The following CEP83 variants were observed in gnomAD, a reference collection of about 807,000 sequenced individuals.
CEP83 encodes centrosomal protein 83.
In CEP83, 70 loss-of-function variants were observed where a neutral mutation model predicts 101.9. That is an observed-to-expected ratio of 0.69 (90% CI 0.57 to 0.84). CEP83 has a LOEUF of 0.84. CEP83 is among the 40% of genes least tolerant of loss of function. The pLI is 0.00. For synonymous variants in CEP83, 264 were observed against 267.9 expected, an observed-to-expected ratio of 0.99 and a Z score of 0.14; for missense variants, 715 against 787.2, an observed-to-expected ratio of 0.91 and a Z score of 1.10.
chr12:94,318,330 TA>T (rs1437555462), intron 14 of CEP83, among the ~76,000 whole-genome samples: 1 of 152,182 alleles, frequency 6.6e-6, no homozygotes, highest in African/African-American at 2.4e-5. Flanking sequence ...GGGGGTTTCC[TA>T]AACATAAAAC....
At chr12:94,431,660 C>A (rs117052221) in intron 2 of CEP83, among the ~76,000 whole-genome samples, 2,935 of 149,522 alleles carry the variant, frequency 0.02, 40 homozygotes, top group Middle Eastern at 0.035. Flanking sequence ...AGAATACATA[C>A]AAACGACCAA....
intron 2 of CEP83, among the ~76,000 whole-genome samples, chr12:94,427,315 A>T (rs1190710144): frequency 6.6e-6 from 1 of 152,210 alleles, no homozygotes; most frequent in East Asian, 1.9e-4. Flanking sequence ...GCAATAAGTG[A>T]AAAAAAGTGA....
Position 94,400,978 on chromosome 12 carries a change from C to T in CEP83, c.421G>A (p.Val141Ile). 7.2e-7 allele frequency: 1 copy of T among 1,386,124 alleles called. No homozygotes were observed. Among genetic ancestry groups the T allele is most frequent in the Non-Finnish European group, 9.4e-7 (1 of 1,059,142 alleles). 85.9% of individuals were successfully genotyped at this position (1,386,124 alleles called of 1,614,324 possible). The stretch of plus-strand genomic sequence containing the variant: ...TTATATACAGCTCTATACTTTTCTA[C>T]CTCCTAAAGGGAGAATGCATTTATC... ...RERFRNLDEE[V>I]EKYRAVYNKL... is the part of the protein sequence containing the mutation. The change falls in exon 6 of 17, where the codon GTA (valine) becomes ATA (isoleucine). Residue 141 changes from valine (V) to isoleucine (I), a missense_variant. Physicochemically the swap from Val to Ile is conservative, Grantham distance 29. Transcript: ENST00000397809.
In CEP83 at chr12:94,395,380, AT is replaced by A. The variant is rs549082054; in HGVS notation, c.549+5469del. Among the ~76,000 whole-genome samples, 755 of 151,620 alleles carry A rather than the reference AT, an allele frequency of 5.0e-3. 3 individuals are homozygous for A. The highest frequency in any genetic ancestry group is 0.017 in the Middle Eastern group (5 of 294). Reference sequence around the variant, plus strand: ...AAAAAGTAACAAATTAAAAAAAAAAATAATCACTATTATGATGAGTTTCCTC... The same window carrying A: ...AAAAAGTAACAAATTAAAAAAAAAAAAATCACTATTATGATGAGTTTCCTC... On this transcript the variant is annotated intron_variant, in intron 6 of 16. Coordinates refer to ENST00000397809, the MANE Select transcript of CEP83 (RefSeq NM_016122.3).
At chr12:94,286,064 G>C in the CEP83 span, among the ~76,000 whole-genome samples, 1 of 152,194 alleles carries the variant, frequency 6.6e-6, no homozygotes, top group Non-Finnish European at 1.5e-5. Context: ...GGGAGAGATA[G>C]AACATCAGTC....
intron 11 of CEP83, among the ~76,000 whole-genome samples, chr12:94,340,578 A>T (rs1365138004): frequency 1.3e-5 from 2 of 152,084 alleles, no homozygotes; most frequent in Non-Finnish European, 2.9e-5. Flanking sequence ...CTGGGACTAT[A>T]GGTGGCTGCC....
chr12:94,320,540 G>A (rs1476341700), intron 14 of CEP83, among the ~76,000 whole-genome samples: 1 of 151,722 alleles, frequency 6.6e-6, no homozygotes, highest in African/African-American at 2.4e-5. Context: ...TATATTTAGT[G>A]TTCCTGTCAA....
intron 1 of CEP83, among the ~76,000 whole-genome samples, chr12:94,448,587 A>C (rs2066980771): frequency 1.3e-5 from 2 of 152,184 alleles, no homozygotes; most frequent in African/African-American, 4.8e-5. Context: ...AAAATGTGTG[A>C]TCTGATCACA....
At chr12:94,417,587 G>C (rs1158673704) in intron 2 of CEP83, among the ~76,000 whole-genome samples, 1 of 152,026 alleles carries the variant, frequency 6.6e-6, no homozygotes, top group Admixed American at 6.6e-5. Context: ...TCAGGAGTTC[G>C]AGACCAGCCT....
At chr12:94,453,914 T>C (rs113767575) in intron 1 of CEP83, among the ~76,000 whole-genome samples, 2,923 of 152,082 alleles carry the variant, frequency 0.019, 97 homozygotes, top group African/African-American at 0.063. Flanking sequence ...CTGGCTAACA[T>C]AGTGAAATTC....
rs142798007 is a variant in CEP83, at chr12:94,365,521, G to A, written c.1343+2273C>T. On this transcript the variant is annotated intron_variant, in intron 11 of 16. Transcript: ENST00000397809. The stretch of plus-strand genomic sequence containing the variant: ...CAGTGGCTCAACACCTATAATCCCA[G>A]TACTCTGGGAGGCCGAGGTGGGCAG... Among the ~76,000 whole-genome samples, 608 of 152,252 alleles carry A rather than the reference G, an allele frequency of 4.0e-3. 2 individuals are homozygous for A. Among genetic ancestry groups the A allele is most frequent in the Non-Finnish European group, 6.1e-3 (414 of 68,014 alleles).
At chr12:94,277,397 A>T in the CEP83 span, among the ~76,000 whole-genome samples, 98,019 of 152,014 alleles carry the variant, frequency 0.64, 31,700 homozygotes, top group African/African-American at 0.7. Context: ...AAAGACAAGA[A>T]ACACCCCTGA....
At chr12:94,281,563 GT>G in the CEP83 span, among the ~76,000 whole-genome samples, 8 of 150,658 alleles carry the variant, frequency 5.3e-5, no homozygotes, top group African/African-American at 1.5e-4. Context: ...CAGATATCCA[GT>G]TTTTTATATG....
intron 1 of CEP83, among the ~76,000 whole-genome samples, chr12:94,445,016 C>T (rs2066693649): frequency 6.6e-6 from 1 of 150,736 alleles, no homozygotes; most frequent in Non-Finnish European, 1.5e-5. Flanking sequence ...ACAAGGGACC[C>T]AGAAGAGCCA....
At chr12:94,409,106 C>T (rs1440396437) in intron 4 of CEP83, among the ~76,000 whole-genome samples, 1 of 151,234 alleles carries the variant, frequency 6.6e-6, no homozygotes, top group African/African-American at 2.4e-5. Context: ...TTTCATAAAC[C>T]TTCATTGAAA....
chr12:94,433,626 G>A (rs1378068343), intron 2 of CEP83, among the ~76,000 whole-genome samples: 1 of 151,602 alleles, frequency 6.6e-6, no homozygotes, highest in Non-Finnish European at 1.5e-5. Context: ...AGGCTGCAGT[G>A]AGCCAAGATC....
intron 11 of CEP83, among the ~76,000 whole-genome samples, chr12:94,347,063 A>ATATATATATATATATG (rs1281037952): frequency 2.8e-5 from 4 of 144,516 alleles, no homozygotes; most frequent in African/African-American, 1.0e-4. Context: ...ATATATATAT[A>ATATATATATATATATG]TATATACACA....
intron 2 of CEP83, chr12:94,425,007 G>C (rs1386614946): frequency 6.0e-6 from 7 of 1,172,824 alleles, no homozygotes; most frequent in Non-Finnish European, 2.4e-6. Context: ...GAGAGAGAGA[G>C]AGAGAGAAAG....
chr12:94,408,454 T>C (rs940295191), intron 4 of CEP83, among the ~76,000 whole-genome samples: 1 of 152,176 alleles, frequency 6.6e-6, no homozygotes, highest in African/African-American at 2.4e-5. Context: ...ATATTAATCA[T>C]TGGTAAAGTA....
Sources: allele counts gnomAD v4.1 joint callset (sites outside exome capture counted in the v4.1 genomes callset), GRCh38; gene constraint gnomAD v4.1.1; transcripts MANE v1.5; gene names NCBI Gene and HGNC (gene_info 2026-07-23, HGNC 2026-07-21).